The following ABCA13 variants were observed in gnomAD, a reference collection of about 807,000 sequenced individuals.
ABCA13 encodes the protein ATP-binding cassette sub-family A member 13.
Under a neutral mutation model 478.7 loss-of-function variants are expected in ABCA13, and 476 were observed. The ratio of observed to expected loss-of-function variants is 0.99; its 90% CI spans 0.92 to 1.07. The LOEUF (loss-of-function observed/expected upper bound fraction) is 1.07. ABCA13 is among the 50% of genes least tolerant of loss of function. ABCA13 has a pLI of 0.00. For synonymous variants in ABCA13, 2,252 were observed against 2,158.9 expected (o/e 1.04, Z -1.20); for missense variants, 6,060 against 5,910.6 (o/e 1.03, Z -0.83).
At chr7:48,395,675 ACT>A (rs1360909663) in intron 38 of ABCA13, among the ~76,000 whole-genome samples, 1 of 152,132 alleles carries the variant, frequency 6.6e-6, no homozygotes, top group Non-Finnish European at 1.5e-5. Context: ...ATGATGATCC[ACT>A]TCTAGTTAGA....
chr7:48,180,004 A>G (rs1419999632), intron 1 of ABCA13, among the ~76,000 whole-genome samples: 1 of 152,204 alleles, frequency 6.6e-6, no homozygotes, highest in East Asian at 1.9e-4. Flanking sequence ...TGAGGGAAGC[A>G]GCAGAGCTAG....
At chr7:48,203,480 A>G (rs912225264) in intron 3 of ABCA13, among the ~76,000 whole-genome samples, 3 of 152,354 alleles carry the variant, frequency 2.0e-5, no homozygotes, top group Admixed American at 6.5e-5. Flanking sequence ...TCACCTCTCA[A>G]TAAGTTTCCA....
At chr7:48,579,288 A>G (rs1442256731) in intron 55 of ABCA13, among the ~76,000 whole-genome samples, 1 of 152,260 alleles carries the variant, frequency 6.6e-6, no homozygotes, top group Non-Finnish European at 1.5e-5. Context: ...TTAAACAATA[A>G]GAAAACACAG....
At chr7:48,290,570 C>T (rs2128810327) in intron 20 of ABCA13, among the ~76,000 whole-genome samples, 1 of 152,260 alleles carries the variant, frequency 6.6e-6, no homozygotes, top group Admixed American at 6.5e-5. Flanking sequence ...GTGCACTTTT[C>T]TACTTTATAA....
At chr7:48,354,746 A>G (rs1809618485) in intron 31 of ABCA13, among the ~76,000 whole-genome samples, 1 of 152,020 alleles carries the variant, frequency 6.6e-6, no homozygotes, top group Admixed American at 6.5e-5. Context: ...TCACTGTGCT[A>G]TATCCATCTT....
chr7:48,265,852 C>T (rs532763343), intron 15 of ABCA13, among the ~76,000 whole-genome samples: 4 of 151,460 alleles, frequency 2.6e-5, no homozygotes, highest in Admixed American at 6.6e-5. Context: ...CTGGAAGAGG[C>T]GCATTTAATC....
chr7:48,434,558 T>C lies in ABCA13; in HGVS notation c.12565+6687T>C, dbSNP rs1594763. 1.8e-3 allele frequency among the ~76,000 whole-genome samples: 272 copies of C among 152,086 alleles called. 1 individual carries two copies. Among genetic ancestry groups the C allele is most frequent in the African/African-American group, 6.4e-3 (265 of 41,556 alleles). On this transcript the variant is annotated intron_variant, in intron 42 of 61. Transcript: ENST00000435803. ...TTGTTGTTGTTGTTGCCTGTGCTTA[T>C]GGTGGCAAACCCAAAAAATCACTGG... is the stretch of plus-strand genomic sequence containing the variant.
chr7:48,246,102 T>G, intron 13 of ABCA13, 72 bp downstream of exon 13: 1 of 1,494,868 alleles, frequency 6.7e-7, no homozygotes, highest in Non-Finnish European at 9.0e-7. Flanking sequence ...ATGCTAATAT[T>G]TAACCTGGAG....
Position 48,541,232 on chromosome 7 carries a change from T to A in ABCA13, c.14354+12887T>A, listed in dbSNP as rs555060493. ...ATATGAAAGGCTGTGGCATTTTTAT[T>A]TGGTCAGCATAGTGTTAAAATTTTG... On this transcript the variant is annotated intron_variant, in intron 55 of 61. Coordinates refer to ENST00000435803, the MANE Select transcript of ABCA13 (RefSeq NM_152701.5). Among the ~76,000 whole-genome samples, 6 of 152,278 alleles carry A rather than the reference T, an allele frequency of 3.9e-5. No individual in the cohort carries two copies. The South Asian group carries it at 1.2e-3, about 32-fold the overall frequency.
chr7:48,540,043 G>A (rs1404293983), intron 55 of ABCA13, among the ~76,000 whole-genome samples: 1 of 152,150 alleles, frequency 6.6e-6, no homozygotes, highest in East Asian at 1.9e-4. Context: ...AGGTTGGTAT[G>A]TGTAAAGAGA....
intron 27 of ABCA13, among the ~76,000 whole-genome samples, chr7:48,331,456 A>C (rs933990553): frequency 6.6e-6 from 1 of 152,218 alleles, no homozygotes; most frequent in Non-Finnish European, 1.5e-5. Flanking sequence ...AACGTGTTAA[A>C]TGTATTTCAG....
intron 16 of ABCA13, among the ~76,000 whole-genome samples, chr7:48,270,247 TA>T (rs1334732924): frequency 3.3e-5 from 5 of 152,064 alleles, no homozygotes; most frequent in Non-Finnish European, 7.4e-5. Flanking sequence ...ACCTGTCAAT[TA>T]AAAAAATAAA....
At chr7:48,625,262 G>A (rs905533185) in intron 59 of ABCA13, among the ~76,000 whole-genome samples, 12 of 152,094 alleles carry the variant, frequency 7.9e-5, no homozygotes, top group African/African-American at 2.4e-4. Context: ...ATAACATCTC[G>A]GATTAAGATT....
intron 19 of ABCA13, among the ~76,000 whole-genome samples, chr7:48,284,453 T>C (rs1175842693): frequency 1.3e-5 from 2 of 152,200 alleles, no homozygotes; most frequent in African/African-American, 2.4e-5. Context: ...GTTAGGATGG[T>C]TGGTACATGA....
At position 48,391,981 on chromosome 7, in the gene ABCA13, C is replaced by T; in HGVS notation, c.11715C>T (p.Asn3905=). ...TSGTIIINGK[N]LQTDLSRVRM... ...GAACCATCATCATCAATGGCAAGAA[C>T]CTACAGACAGACCTGTCGAGGGTCA... The change falls in exon 38 of 62, where the codon AAC becomes AAT. Residue 3905 remains asparagine, a synonymous_variant. Transcript: ENST00000435803. 6.2e-7 allele frequency: 1 copy of T among 1,613,994 alleles called. No individual in the cohort carries two copies. The highest frequency in any genetic ancestry group is 8.5e-7 in the Non-Finnish European group (1 of 1,179,874).
intron 31 of ABCA13, among the ~76,000 whole-genome samples, chr7:48,354,978 G>A (rs1809656872): frequency 6.6e-6 from 1 of 150,846 alleles, no homozygotes; most frequent in Admixed American, 6.6e-5. Flanking sequence ...TGACTTTTAT[G>A]TACTATTTGT....
intron 23 of ABCA13, among the ~76,000 whole-genome samples, chr7:48,309,530 C>T (rs993755570): frequency 2.0e-5 from 3 of 152,150 alleles, no homozygotes; most frequent in African/African-American, 7.2e-5. Flanking sequence ...CAGCTTCACA[C>T]TGATGACGGT....
intron 29 of ABCA13, among the ~76,000 whole-genome samples, chr7:48,349,668 G>A (rs1315249696): frequency 6.6e-6 from 1 of 152,208 alleles, no homozygotes; most frequent in Non-Finnish European, 1.5e-5. Context: ...GAGGAGGGAA[G>A]CAAGCATGAG....
At chr7:48,225,115 G>GCCTGCCTA (rs1787975062) in intron 5 of ABCA13, among the ~76,000 whole-genome samples, 2 of 101,550 alleles carry the variant, frequency 2.0e-5, no homozygotes, top group South Asian at 3.2e-4. Flanking sequence ...GTGCGTGCCT[G>GCCTGCCTA]CCTGCCTGCC....
Sources: gnomAD v4.1 joint callset for allele counts (sites outside exome capture counted in the v4.1 genomes callset) on GRCh38, gnomAD v4.1.1 for gene constraint, MANE v1.5 for transcripts, NCBI Gene and HGNC (gene_info 2026-07-23, HGNC 2026-07-21) for gene names.